Variants in GDAP1L1 observed in about 807,000 individuals in gnomAD.
The protein encoded by GDAP1L1 is ganglioside-induced differentiation-associated protein 1-like 1.
GDAP1L1 carries 21 observed loss-of-function variants against 37.1 expected under a neutral mutation model. That is an observed-to-expected ratio of 0.57 (90% confidence interval 0.40 to 0.81). The LOEUF (loss-of-function observed/expected upper bound fraction) is 0.81. Ranked by LOEUF, GDAP1L1 falls within the 40% of genes least tolerant of loss-of-function variation. The pLI is 0.00. For synonymous variants in GDAP1L1, 193 were observed against 209.1 expected, an observed-to-expected ratio of 0.92 and a Z score of 0.67; for missense variants, 362 against 491.6, an observed-to-expected ratio of 0.74 and a Z score of 2.49.
At position 44,279,711 on chromosome 20, in the gene GDAP1L1, C is replaced by T. The variant is rs1435078789; in HGVS notation, c.*411C>T. 2.1e-6 allele frequency: 1 copy of T among 474,402 alleles called. No homozygotes were observed. 29.4% of individuals were successfully genotyped at this position (474,402 alleles called of 1,614,324 possible). A position where few individuals can be genotyped will look rare whatever the true frequency, so the allele number is the denominator to read the frequency against. On this transcript the variant is annotated 3_prime_UTR_variant, in exon 6 of 6. Coordinates refer to ENST00000342560, the MANE Select transcript of GDAP1L1 (RefSeq NM_024034.6). ...CCTGACCCCTCACCTCCCCTTCCCT[C>T]TTGCCCAGGGAACTCTTCCACAGGA...
intron 1 of GDAP1L1, among the ~76,000 whole-genome samples, chr20:44,256,206 TG>T (rs1197856824): frequency 6.6e-6 from 1 of 152,046 alleles, no homozygotes; most frequent in Non-Finnish European, 1.5e-5. Flanking sequence ...TCAAGAAAAA[TG>T]GGGAGATACT....
chr20:44,274,521 C>A (rs535273198), intron 5 of GDAP1L1, among the ~76,000 whole-genome samples: 10 of 152,324 alleles, frequency 6.6e-5, no homozygotes, highest in Non-Finnish European at 1.2e-4. Flanking sequence ...AACGCAGTCA[C>A]CAGTTCTCAG....
chr20:44,261,149 G>A (rs2073666870), intron 3 of GDAP1L1, among the ~76,000 whole-genome samples: 1 of 152,222 alleles, frequency 6.6e-6, no homozygotes, highest in African/African-American at 2.4e-5. Context: ...AGCCCAGCTG[G>A]GGGATGAGAG....
intron 1 of GDAP1L1, among the ~76,000 whole-genome samples, chr20:44,255,795 G>T (rs2073529517): frequency 4.6e-5 from 7 of 152,250 alleles, no homozygotes; most frequent in Admixed American, 4.6e-4. Context: ...CAGAGTGGAA[G>T]GTGGGGAGGG....
At chr20:44,273,454 T>A (rs1332671691) in intron 5 of GDAP1L1, among the ~76,000 whole-genome samples, 1 of 152,202 alleles carries the variant, frequency 6.6e-6, no homozygotes, top group Non-Finnish European at 1.5e-5. Context: ...ATCCTTTCAC[T>A]GTCCGTCACT....
chr20:44,250,799 C>T (rs2073425693), intron 1 of GDAP1L1, among the ~76,000 whole-genome samples: 2 of 152,152 alleles, frequency 1.3e-5, no homozygotes, highest in South Asian at 4.1e-4. Context: ...CCTCCTCCTC[C>T]TTTGTGGGGA....
chr20:44,274,387 T>C (rs905749824), intron 5 of GDAP1L1, among the ~76,000 whole-genome samples: 6 of 152,222 alleles, frequency 3.9e-5, no homozygotes, highest in Non-Finnish European at 7.3e-5. Flanking sequence ...CAAAATTCTG[T>C]GGCAGAATGA....
At chr20:44,273,795 C>A (rs919510347) in intron 5 of GDAP1L1, among the ~76,000 whole-genome samples, 1 of 152,154 alleles carries the variant, frequency 6.6e-6, no homozygotes, top group Admixed American at 6.6e-5. Flanking sequence ...CCACCTCCCC[C>A]ACATCCTCAC....
intron 1 of GDAP1L1, among the ~76,000 whole-genome samples, chr20:44,249,377 G>T (rs956310140): frequency 1.3e-5 from 2 of 152,196 alleles, no homozygotes; most frequent in African/African-American, 2.4e-5. Context: ...GGAGGGGCCA[G>T]AGTTAATCAA....
chr20:44,279,499 T>A lies in GDAP1L1; in HGVS notation c.*199T>A, dbSNP rs2062619343. ...CAATGCTGTGACTCAAGGCCACGGC[T>A]CTACTAAAAGAGAGAGAGGAAGCGA... On this transcript the variant is annotated 3_prime_UTR_variant, in exon 6 of 6. Transcript: ENST00000342560. The A allele has an allele frequency of 5.6e-6, 4 of 709,440 alleles. No homozygotes were observed. Among genetic ancestry groups the A allele is most frequent in the South Asian group, 4.5e-5 (3 of 66,752 alleles). The allele number at this position is 709,440 out of a possible 1,614,324, so 43.9% of individuals were successfully genotyped here. A position where few individuals can be genotyped will look rare whatever the true frequency, so the allele number is the denominator to read the frequency against.
rs1366278462 is a variant in GDAP1L1 at position 44,258,460 on chromosome 20, G to A, written c.400G>A (p.Val134Met). Residue 134 changes from valine to methionine, a missense_variant, in exon 3 of 6, where the codon GTG becomes ATG. Physicochemically the swap from Val to Met is conservative, Grantham distance 21. Coordinates refer to ENST00000342560, the MANE Select transcript of GDAP1L1 (RefSeq NM_024034.6). ...GCACGTGGTGGCCCTGATGCCCGAG[G>A]TGGGCAGCCTGCAGCACGCACGGGT... is the stretch of plus-strand genomic sequence containing the variant. ...GEHVVALMPE[V>M]GSLQHARVLQ... The A allele has an allele frequency of 3.2e-6, 5 of 1,553,108 alleles. No individual in the cohort carries two copies. Among genetic ancestry groups the A allele is most frequent in the Admixed American group, 1.9e-5 (1 of 51,310 alleles).
At chr20:44,247,735 C>A (rs1476848064) in intron 1 of GDAP1L1, among the ~76,000 whole-genome samples, 1 of 146,430 alleles carries the variant, frequency 6.8e-6, no homozygotes, top group Admixed American at 6.9e-5. Context: ...ATTTTAGGAG[C>A]ATCCATTCTG....
intron 1 of GDAP1L1, among the ~76,000 whole-genome samples, chr20:44,251,112 G>T (rs919915019): frequency 1.8e-4 from 28 of 152,162 alleles, no homozygotes; most frequent in Admixed American, 1.6e-3. Flanking sequence ...CAATCTCTGT[G>T]CCTGCTTCCT....
intron 3 of GDAP1L1, among the ~76,000 whole-genome samples, chr20:44,261,410 G>A (rs1392159640): frequency 3.3e-5 from 5 of 152,200 alleles, no homozygotes; most frequent in African/African-American, 9.7e-5. Context: ...GACAGGAGAT[G>A]GGGCAGTAGG....
At chr20:44,262,753 G>T (rs912320412) in intron 3 of GDAP1L1, among the ~76,000 whole-genome samples, 2 of 151,946 alleles carry the variant, frequency 1.3e-5, no homozygotes, top group African/African-American at 4.8e-5. Context: ...GTCTCACTCT[G>T]TTGCCCAGGC....
chr20:44,263,870 T>C (rs1241119861), intron 4 of GDAP1L1, among the ~76,000 whole-genome samples: 1 of 151,250 alleles, frequency 6.6e-6, no homozygotes, highest in Admixed American at 6.6e-5. Context: ...AATAAATATA[T>C]AAATAAATAA....
chr20:44,260,260 T>C (rs1433485016), intron 3 of GDAP1L1, among the ~76,000 whole-genome samples: 1 of 149,540 alleles, frequency 6.7e-6, no homozygotes, highest in African/African-American at 2.5e-5. Flanking sequence ...CTAAGATATA[T>C]TAGTGAGTAG....
chr20:44,259,118 G>A (rs1267178536), intron 3 of GDAP1L1, among the ~76,000 whole-genome samples: 2 of 152,162 alleles, frequency 1.3e-5, no homozygotes, highest in African/African-American at 2.4e-5. Context: ...CTACCCAGAT[G>A]TGGCAAGGCC....
At chr20:44,266,134 C>G (rs369984877) in intron 5 of GDAP1L1, among the ~76,000 whole-genome samples, 1 of 152,104 alleles carries the variant, frequency 6.6e-6, no homozygotes, top group Non-Finnish European at 1.5e-5. Flanking sequence ...ATGGCAAAAC[C>G]CTGTCTCTAC....
Sources: gnomAD v4.1 joint callset for allele counts (sites outside exome capture counted in the v4.1 genomes callset) on GRCh38, gnomAD v4.1.1 for gene constraint, MANE v1.5 for transcripts, NCBI Gene and HGNC (gene_info 2026-07-23, HGNC 2026-07-21) for gene names.